FAM163B: variants seen among roughly 807,000 people sequenced by gnomAD.
FAM163B encodes the protein family with sequence similarity 163 member B.
In FAM163B, 4 loss-of-function variants were observed where a neutral mutation model predicts 7.6. The observed-to-expected ratio is 0.52, with a 90% CI of 0.26 to 1.20. The LOEUF (loss-of-function observed/expected upper bound fraction) is 1.20. Ranked by LOEUF, FAM163B falls within the 50% of genes most tolerant of loss-of-function variation. The probability of loss-of-function intolerance (pLI) is 0.14; values close to 1 mark genes in which losing one functional copy is unlikely to be tolerated. For synonymous variants in FAM163B, 120 were observed against 111.6 expected (o/e 1.07, Z -0.47); for missense variants, 250 against 243.0 (o/e 1.03, Z -0.19).
In FAM163B at chr9:133,600,148, G is replaced by A. The variant is rs938436538; in HGVS notation, c.-24+8929C>T. ...TGTGTGTCTGTGTGCGTGTGTGAAT[G>A]TATGTGTGCATGAGTGTGAGTCTGT... On this transcript the variant is annotated intron_variant, in intron 1 of 2. Transcript: ENST00000673969. This position sits in a 1 kb window ranked among gnomAD's most constrained non-coding sequence, Gnocchi z 4.9. 6.6e-6 allele frequency among the ~76,000 whole-genome samples: 1 copy of A among 150,866 alleles called. No homozygotes were observed. The highest frequency in any genetic ancestry group is 2.4e-5 in the African/African-American group (1 of 40,892).
chr9:133,603,580 G>A (rs1375981740), intron 1 of FAM163B, among the ~76,000 whole-genome samples: 9 of 152,204 alleles, frequency 5.9e-5, no homozygotes, highest in African/African-American at 1.4e-4. Context: ...CATCTTTAGC[G>A]GGGCCACTGC....
chr9:133,590,682 G>A lies in FAM163B; in HGVS notation c.-23-10436C>T, dbSNP rs144061794. Reference sequence around the variant, plus strand: ...TGGACTCTCTGCTCAGTGGGGACACGCCTGGAGTCCCAGGAGAGCCCCGAG... The same window carrying A: ...TGGACTCTCTGCTCAGTGGGGACACACCTGGAGTCCCAGGAGAGCCCCGAG... On this transcript the variant is annotated intron_variant, in intron 1 of 2. Transcript: ENST00000673969. Among the ~76,000 whole-genome samples, 609 of 152,228 alleles carry A rather than the reference G, an allele frequency of 4.0e-3. 6 individuals carry two copies. Among genetic ancestry groups the A allele is most frequent in the African/African-American group, 0.014 (562 of 41,516 alleles).
rs3074996 is a variant in FAM163B, at chr9:133,600,259, CTG to C, written c.-24+8816_-24+8817del. Among the ~76,000 whole-genome samples the C allele has an allele frequency of 0.08, 11,718 of 145,992 alleles. 582 individuals are homozygous for C. The highest frequency in any genetic ancestry group is 0.15 in the Admixed American group (2,284 of 14,764). ...CTGTGTGCATGTGTGTGAGTGTGGT[CTG>C]TGTGTGTGTGTGTGTGTGTGTGTGT... is the stretch of plus-strand genomic sequence containing the variant. On this transcript the variant is annotated intron_variant, in intron 1 of 2. Transcript: ENST00000673969. The surrounding 1 kb of genome is among the most constrained non-coding windows in gnomAD (Gnocchi z 4.9).
rs1393775950 is a variant in FAM163B, at chr9:133,580,122, C to G, written c.93+9G>C. 2 of 1,609,982 alleles carry G rather than the reference C, an allele frequency of 1.2e-6. No individual in the cohort carries two copies. The highest frequency in any genetic ancestry group is 1.3e-5 in the African/African-American group (1 of 75,050). On this transcript the variant is annotated intron_variant, in intron 2 of 2. Transcript: ENST00000673969. ...CTGCCCTGTCCCCTTCCCCGCCGCC[C>G]GGGAATACCTGGAGCCGGCAGTAGC...
chr9:133,586,899 A>AC (rs74648785), intron 1 of FAM163B, among the ~76,000 whole-genome samples: 34,556 of 151,568 alleles, frequency 0.23, 4,655 homozygotes, highest in East Asian at 0.48. Flanking sequence ...TCACCCTGGG[A>AC]CCCCCCAGCG....
At chr9:133,596,972 A>G (rs1216800012) in intron 1 of FAM163B, among the ~76,000 whole-genome samples, 2 of 152,250 alleles carry the variant, frequency 1.3e-5, no homozygotes, top group African/African-American at 4.8e-5. Flanking sequence ...AAAGCTTAAA[A>G]GCAAGGCCTG....
chr9:133,607,121 T>C (rs770544990), intron 1 of FAM163B, among the ~76,000 whole-genome samples: 6 of 152,180 alleles, frequency 3.9e-5, no homozygotes, highest in Non-Finnish European at 7.4e-5. Flanking sequence ...AGGGAGGAAC[T>C]GCACTCCTCC....
chr9:133,590,065 C>CCCTTCCCTTCCCTT (rs1491173513), intron 1 of FAM163B, among the ~76,000 whole-genome samples: 2 of 16,882 alleles, frequency 1.2e-4, no homozygotes, highest in African/African-American at 4.9e-4. Flanking sequence ...CCCTTCCCTT[C>CCCTTCCCTTCCCTT]CCCTTCCCTT....
chr9:133,592,109 C>G (rs1252447299), intron 1 of FAM163B, among the ~76,000 whole-genome samples: 1 of 152,164 alleles, frequency 6.6e-6, no homozygotes, highest in African/African-American at 2.4e-5. Context: ...ACTGTGACCT[C>G]GTGTCCAGCT....
At chr9:133,581,780 C>A (rs1831360014) in intron 1 of FAM163B, among the ~76,000 whole-genome samples, 2 of 152,292 alleles carry the variant, frequency 1.3e-5, no homozygotes, top group South Asian at 4.1e-4. Context: ...TTGCATCACT[C>A]CCAGGGGCCT....
intron 1 of FAM163B, among the ~76,000 whole-genome samples, chr9:133,584,092 C>T (rs112395992): frequency 0.065 from 9,906 of 152,030 alleles, 454 homozygotes; most frequent in Non-Finnish European, 0.11. Context: ...AGCACGTGCC[C>T]TCCTCTCCCA....
chr9:133,583,857 C>T lies in FAM163B; in HGVS notation c.-23-3611G>A, dbSNP rs368416625. The stretch of plus-strand genomic sequence containing the variant: ...ACACGCCTGCCGAGGAGCAGCAACG[C>T]CCGAGACGGCGCCAGGTCCCAGGGC... On this transcript the variant is annotated intron_variant, in intron 1 of 2. Transcript: ENST00000673969. 5.4e-4 allele frequency among the ~76,000 whole-genome samples: 83 copies of T among 152,360 alleles called. 1 individual carries two copies. The East Asian group carries it at 0.015, about 27-fold the overall frequency.
intron 1 of FAM163B, among the ~76,000 whole-genome samples, chr9:133,608,734 G>A (rs1831818755): frequency 6.6e-6 from 1 of 152,270 alleles, no homozygotes; most frequent in African/African-American, 2.4e-5. Flanking sequence ...AGGGAGAGAA[G>A]GCGGCCAGGT....
Position 133,606,946 on chromosome 9 carries a change from A to C in FAM163B, c.-24+2131T>G, listed in dbSNP as rs1407039091. Among the ~76,000 whole-genome samples the C allele has an allele frequency of 6.6e-6, 1 of 152,216 alleles. No individual in the cohort carries two copies. Among genetic ancestry groups the C allele is most frequent in the East Asian group, 1.9e-4 (1 of 5,196 alleles). ...GTCTCCATGCTGTGAAGCCTCACCC[A>C]GAACCAGCACCAGAAAAGTCAGGAA... On this transcript the variant is annotated intron_variant, in intron 1 of 2. Coordinates refer to ENST00000673969, the MANE Select transcript of FAM163B (RefSeq NM_001080515.3). This position sits in a 1 kb window ranked among gnomAD's most constrained non-coding sequence, Gnocchi z 4.0.
intron 1 of FAM163B, among the ~76,000 whole-genome samples, chr9:133,604,703 C>G (rs987869495): frequency 1.3e-5 from 2 of 152,092 alleles, no homozygotes; most frequent in African/African-American, 4.8e-5. Context: ...CACCTGGGGG[C>G]CGGTTACAAC....
intron 1 of FAM163B, among the ~76,000 whole-genome samples, chr9:133,592,699 C>T (rs1393696061): frequency 6.6e-6 from 1 of 152,212 alleles, no homozygotes; most frequent in Non-Finnish European, 1.5e-5. Flanking sequence ...AGGCCAGTGA[C>T]TTCTTTACTT....
chr9:133,595,768 C>T (rs964340944), intron 1 of FAM163B, among the ~76,000 whole-genome samples: 1 of 152,206 alleles, frequency 6.6e-6, no homozygotes, highest in Admixed American at 6.5e-5. Context: ...ACCCCCTTAA[C>T]CTGCCTGGTT....
intron 1 of FAM163B, among the ~76,000 whole-genome samples, chr9:133,584,087 G>C (rs961406500): frequency 6.7e-6 from 1 of 149,882 alleles, no homozygotes; most frequent in African/African-American, 2.5e-5. Context: ...AGCCCAGCAC[G>C]TGCCCTCCTC....
intron 1 of FAM163B, among the ~76,000 whole-genome samples, chr9:133,591,639 C>A (rs891865623): frequency 6.6e-6 from 1 of 152,206 alleles, no homozygotes. Context: ...CTCAGGGGGG[C>A]GGAGAACATG....
Sources: gnomAD v4.1 joint callset for allele counts (sites outside exome capture counted in the v4.1 genomes callset) on GRCh38, gnomAD v4.1.1 for gene constraint, Gnocchi (gnomAD v3.1) non-coding constraint, MANE v1.5 for transcripts, NCBI Gene and HGNC (gene_info 2026-07-23, HGNC 2026-07-21) for gene names.